The following PDE1A variants were observed in gnomAD, a reference collection of about 807,000 sequenced individuals.
PDE1A encodes the protein phosphodiesterase 1A.
Under a neutral mutation model 61.7 loss-of-function variants are expected in PDE1A, and 35 were observed. The ratio of observed to expected loss-of-function variants is 0.57; its 90% CI spans 0.43 to 0.75. The LOEUF is 0.75. Ranked by LOEUF, PDE1A falls within the 30% of genes least tolerant of loss-of-function variation. The pLI is 0.00. For synonymous variants in PDE1A, 232 were observed against 213.2 expected, an observed-to-expected ratio of 1.09 and a Z score of -0.77; for missense variants, 597 against 630.6, an observed-to-expected ratio of 0.95 and a Z score of 0.57.
At chr2:182,184,028 A>C (rs932896115) in intron 13 of PDE1A, among the ~76,000 whole-genome samples, 2 of 105,416 alleles carry the variant, frequency 1.9e-5, no homozygotes, top group African/African-American at 6.4e-5. Context: ...GAAAGAAAGA[A>C]AGAAAGAAAG....
At chr2:182,576,117 T>C in the PDE1A span, among the ~76,000 whole-genome samples, 1 of 151,978 alleles carries the variant, frequency 6.6e-6, no homozygotes, top group Non-Finnish European at 1.5e-5. Flanking sequence ...TCAGTGGCCT[T>C]AATAAATTCA....
At chr2:182,547,581 T>C in the PDE1A span, among the ~76,000 whole-genome samples, 1 of 152,190 alleles carries the variant, frequency 6.6e-6, no homozygotes, top group Non-Finnish European at 1.5e-5. Context: ...ACATAAGATA[T>C]GCAGACACTT....
intron 10 of PDE1A, among the ~76,000 whole-genome samples, chr2:182,190,705 C>G (rs1685611038): frequency 6.6e-6 from 1 of 152,064 alleles, no homozygotes; most frequent in African/African-American, 2.4e-5. Context: ...CACATGTAAT[C>G]CCAGCACTTT....
chr2:182,204,392 C>T (rs1686922366), intron 8 of PDE1A, among the ~76,000 whole-genome samples: 1 of 152,060 alleles, frequency 6.6e-6, no homozygotes, highest in Non-Finnish European at 1.5e-5. Flanking sequence ...ATACAGTTAA[C>T]CCTTGAACAA....
the PDE1A span, among the ~76,000 whole-genome samples, chr2:182,589,275 GGA>G: frequency 1.2e-3 from 69 of 59,882 alleles, no homozygotes; most frequent in Non-Finnish European, 2.3e-3. Flanking sequence ...GAGGGAGGAA[GGA>G]AGGAAGGAAG....
the PDE1A span, among the ~76,000 whole-genome samples, chr2:182,621,163 C>T: frequency 1.3e-5 from 2 of 152,148 alleles, no homozygotes; most frequent in Non-Finnish European, 2.9e-5. Flanking sequence ...GAATTGGGAG[C>T]AGATCCCTTT....
At chr2:182,407,853 T>C (rs1354938464) in intron 1 of PDE1A, among the ~76,000 whole-genome samples, 1 of 152,188 alleles carries the variant, frequency 6.6e-6, no homozygotes, top group East Asian at 1.9e-4. Flanking sequence ...AATACAATGT[T>C]TCTTAAAGAA....
chr2:182,179,874 G>A (rs73975390), intron 13 of PDE1A, among the ~76,000 whole-genome samples: 30,120 of 152,014 alleles, frequency 0.2, 3,180 homozygotes, highest in East Asian at 0.31. Context: ...AGCATAATAG[G>A]TCAACAGTCT....
chr2:182,527,043 A>C (rs2125996248), upstream of PDE1A, among the ~76,000 whole-genome samples: 1 of 151,772 alleles, frequency 6.6e-6, no homozygotes, highest in South Asian at 2.1e-4. Flanking sequence ...GACCAATAAA[A>C]GATATTCTAT....
chr2:182,168,351 T>A, intron 13 of PDE1A: 1 of 1,436,062 alleles, frequency 7.0e-7, no homozygotes, highest in Non-Finnish European at 9.4e-7. Flanking sequence ...AAAGAAGTTA[T>A]GAAAAAAAGT....
At chr2:182,531,706 G>A in the PDE1A span, among the ~76,000 whole-genome samples, 2 of 152,034 alleles carry the variant, frequency 1.3e-5, no homozygotes, top group Non-Finnish European at 2.9e-5. Context: ...AATATTTGTG[G>A]GTTTTTTAAT....
At position 182,394,019 on chromosome 2, in the gene PDE1A, C is replaced by G. The variant is rs145699043; in HGVS notation, c.53+32559G>C. Among the ~76,000 whole-genome samples the G allele has an allele frequency of 3.9e-5, 6 of 152,300 alleles. No homozygotes were observed. In the East Asian group the frequency reaches 1.2e-3, roughly 29 times the overall value. On this transcript the variant is annotated intron_variant, in intron 1 of 13. Coordinates refer to ENST00000351439, the Ensembl canonical transcript of PDE1A. ...AAATTTCCCATATTTTCCAGTTCTTCTTCTGAGTCCTCCAAACTTTTCCAA... is the reference window on the plus strand; with the variant it reads ...AAATTTCCCATATTTTCCAGTTCTTGTTCTGAGTCCTCCAAACTTTTCCAA...
At chr2:182,309,795 CAA>C (rs1394803787) in intron 1 of PDE1A, among the ~76,000 whole-genome samples, 1 of 151,936 alleles carries the variant, frequency 6.6e-6, no homozygotes, top group African/African-American at 2.4e-5. Context: ...GTTTCTGACA[CAA>C]AGACATGGAG....
chr2:182,304,021 C>T (rs1329168393), intron 1 of PDE1A, among the ~76,000 whole-genome samples: 1 of 151,746 alleles, frequency 6.6e-6, no homozygotes, highest in Non-Finnish European at 1.5e-5. Flanking sequence ...CTGCCTCAGC[C>T]TCCCGAGTAG....
the PDE1A span, among the ~76,000 whole-genome samples, chr2:182,562,109 A>G: frequency 3.2e-4 from 48 of 151,572 alleles, no homozygotes; most frequent in African/African-American, 4.1e-4. Context: ...TAGGAGTGGT[A>G]AGAGAGGGCA....
At chr2:182,224,028 A>G (rs1293387611) in intron 6 of PDE1A, 64 bp from the exon 7 acceptor site, 2 of 1,118,950 alleles carry the variant, frequency 1.8e-6, no homozygotes, top group African/African-American at 3.1e-5. Context: ...CTTTCTTTGA[A>G]AAGGACTTTC....
chr2:182,657,197 T>TG, the PDE1A span, among the ~76,000 whole-genome samples: 1 of 152,158 alleles, frequency 6.6e-6, no homozygotes, highest in African/African-American at 2.4e-5. Flanking sequence ...CACTCCAGCC[T>TG]GGTGACAGAT....
intron 1 of PDE1A, among the ~76,000 whole-genome samples, chr2:182,286,149 G>T (rs1037431686): frequency 3.3e-5 from 5 of 152,022 alleles, no homozygotes; most frequent in Admixed American, 6.6e-5. Flanking sequence ...CAAATATGAC[G>T]CTAGAAAGCT....
At chr2:182,601,951 T>C in the PDE1A span, among the ~76,000 whole-genome samples, 2 of 152,170 alleles carry the variant, frequency 1.3e-5, no homozygotes, top group Non-Finnish European at 2.9e-5. Context: ...CCCACTCCAT[T>C]CCGTGGGACT....
Sources: gnomAD v4.1 joint callset for allele counts (sites outside exome capture counted in the v4.1 genomes callset) on GRCh38, gnomAD v4.1.1 for gene constraint, MANE v1.5 for transcripts, NCBI Gene and HGNC (gene_info 2026-07-23, HGNC 2026-07-21) for gene names.